SGCZ: variants seen among roughly 807,000 people sequenced by gnomAD.
The protein encoded by SGCZ is sarcoglycan zeta.
SGCZ carries 40 observed loss-of-function variants against 41.3 expected under a neutral mutation model. The ratio of observed to expected loss-of-function variants is 0.97; its 90% CI spans 0.75 to 1.26. SGCZ has a LOEUF of 1.26. Among genes scored for constraint, SGCZ ranks in the 50% most tolerant of loss-of-function variants. The pLI is 0.00. For missense variants in SGCZ, 552 were observed against 369.8 expected, an observed-to-expected ratio of 1.49 and a Z score of -4.04; for synonymous variants, 206 against 137.5, an observed-to-expected ratio of 1.50 and a Z score of -3.49.
intron 1 of SGCZ, among the ~76,000 whole-genome samples, chr8:15,051,646 G>A (rs772168063): frequency 3.9e-5 from 6 of 152,082 alleles, no homozygotes; most frequent in Non-Finnish European, 5.9e-5. Context: ...TTTCTCCACA[G>A]TCTTGCCCAC....
At chr8:14,156,843 C>T (rs1165796876) in intron 5 of SGCZ, among the ~76,000 whole-genome samples, 2 of 152,156 alleles carry the variant, frequency 1.3e-5, no homozygotes, top group East Asian at 1.9e-4. Flanking sequence ...GAGACAATAA[C>T]ACAGATGAAG....
chr8:14,332,516 T>C (rs1802370307), intron 2 of SGCZ: 2 of 152,092 alleles, frequency 1.3e-5, no homozygotes, highest in Non-Finnish European at 2.9e-5. Flanking sequence ...TAGTGGCCTA[T>C]GATGGAGTAA....
intron 1 of SGCZ, among the ~76,000 whole-genome samples, chr8:14,936,120 A>G (rs1800073386): frequency 6.6e-6 from 1 of 151,942 alleles, no homozygotes; most frequent in Non-Finnish European, 1.5e-5. Flanking sequence ...ATCACAGATC[A>G]AGATTTTCTA....
chr8:14,162,895 G>C (rs1340032526), intron 5 of SGCZ, among the ~76,000 whole-genome samples: 5 of 152,142 alleles, frequency 3.3e-5, no homozygotes, highest in Non-Finnish European at 7.3e-5. Flanking sequence ...TTTCGAGAGA[G>C]GGTCTGGCTC....
intron 1 of SGCZ, among the ~76,000 whole-genome samples, chr8:15,168,720 T>A (rs1799739493): frequency 6.6e-6 from 1 of 152,228 alleles, no homozygotes; most frequent in Non-Finnish European, 1.5e-5. Context: ...CTGGGACTCC[T>A]TTGAAAAGTG....
intron 1 of SGCZ, among the ~76,000 whole-genome samples, chr8:14,833,417 G>T (rs945099305): frequency 1.8e-4 from 28 of 152,130 alleles, no homozygotes; most frequent in African/African-American, 6.8e-4. Flanking sequence ...TTGTCGGCTC[G>T]TGTCTTTTTG....
chr8:14,096,914 A>ATG (rs1801863886), intron 7 of SGCZ, among the ~76,000 whole-genome samples: 2 of 151,440 alleles, frequency 1.3e-5, no homozygotes, highest in Admixed American at 1.3e-4. Flanking sequence ...ATTATTCTCT[A>ATG]GTAGTTTGTA....
chr8:14,203,648 T>G (rs1251892128), intron 4 of SGCZ, among the ~76,000 whole-genome samples: 3 of 152,158 alleles, frequency 2.0e-5, no homozygotes, highest in African/African-American at 7.2e-5. Context: ...GAGGTGAAGG[T>G]CACTGGAGGT....
chr8:14,647,405 A>C (rs966257709), intron 1 of SGCZ, among the ~76,000 whole-genome samples: 4 of 152,072 alleles, frequency 2.6e-5, no homozygotes, highest in African/African-American at 9.7e-5. Flanking sequence ...AGAAAAGACT[A>C]AAAGTTTATT....
chr8:14,220,294 T>C (rs1421282800), intron 4 of SGCZ, among the ~76,000 whole-genome samples: 1 of 152,096 alleles, frequency 6.6e-6, no homozygotes, highest in Non-Finnish European at 1.5e-5. Flanking sequence ...CTATGCAAAA[T>C]CATTGTGGAG....
intron 4 of SGCZ, among the ~76,000 whole-genome samples, chr8:14,213,468 C>G (rs1805885926): frequency 6.6e-6 from 1 of 151,770 alleles, no homozygotes; most frequent in Non-Finnish European, 1.5e-5. Flanking sequence ...CCTTCAGGAA[C>G]TAAAGGAAAA....
At chr8:14,475,746 C>G (rs537700924) in intron 2 of SGCZ, among the ~76,000 whole-genome samples, 111 of 152,152 alleles carry the variant, frequency 7.3e-4, no homozygotes, top group Non-Finnish European at 1.1e-3. Flanking sequence ...TGACAAGTTC[C>G]ATATCAATGA....
intron 1 of SGCZ, among the ~76,000 whole-genome samples, chr8:14,741,549 A>C (rs1326626145): frequency 6.6e-6 from 1 of 152,108 alleles, no homozygotes; most frequent in Non-Finnish European, 1.5e-5. Context: ...AAGTATTTAC[A>C]TTCAAAACAT....
chr8:14,239,319 G>A (rs752484784), intron 3 of SGCZ, among the ~76,000 whole-genome samples: 27 of 151,478 alleles, frequency 1.8e-4, no homozygotes, highest in Non-Finnish European at 3.4e-4. Context: ...TTCAATGTAA[G>A]TATGTTAAAA....
chr8:14,517,994 T>C (rs1585622550), intron 2 of SGCZ, among the ~76,000 whole-genome samples: 2 of 151,908 alleles, frequency 1.3e-5, no homozygotes, highest in South Asian at 4.1e-4. Flanking sequence ...CATAAGTTTA[T>C]TGAACGTGTA....
At chr8:14,411,466 C>A (rs1042669339) in intron 2 of SGCZ, among the ~76,000 whole-genome samples, 1 of 151,988 alleles carries the variant, frequency 6.6e-6, no homozygotes, top group Non-Finnish European at 1.5e-5. Context: ...AAACCAATAT[C>A]AAGTTTATAA....
chr8:14,582,911 T>G (rs1379337547), intron 1 of SGCZ, among the ~76,000 whole-genome samples: 4 of 151,914 alleles, frequency 2.6e-5, no homozygotes, highest in African/African-American at 7.3e-5. Flanking sequence ...TCTATCATTG[T>G]TGGACATTTG....
chr8:14,786,850 A>T (rs968881128), intron 1 of SGCZ, among the ~76,000 whole-genome samples: 2 of 141,688 alleles, frequency 1.4e-5, no homozygotes, highest in African/African-American at 5.5e-5. Context: ...AAAAAAAAAA[A>T]ACAAAAAACA....
chr8:14,904,424 T>C (rs763969612), intron 1 of SGCZ, among the ~76,000 whole-genome samples: 35 of 152,066 alleles, frequency 2.3e-4, no homozygotes, highest in Non-Finnish European at 1.9e-4. Context: ...TATCAAAGAA[T>C]ACACGAACTT....
Sources: gnomAD v4.1 joint callset for allele counts (sites outside exome capture counted in the v4.1 genomes callset) on GRCh38, gnomAD v4.1.1 for gene constraint, MANE v1.5 for transcripts, NCBI Gene and HGNC (gene_info 2026-07-23, HGNC 2026-07-21) for gene names.